Variants in EYA3 observed in about 807,000 individuals in gnomAD.
The protein encoded by EYA3 is EYA transcriptional coactivator and phosphatase 3.
EYA3 carries 39 observed loss-of-function variants against 80.0 expected under a neutral mutation model. That is an observed-to-expected ratio of 0.49 (90% CI 0.38 to 0.64). The LOEUF is 0.64. Among genes scored for constraint, EYA3 ranks in the 30% least tolerant of loss-of-function variants. The probability of loss-of-function intolerance (pLI) is 0.00; values close to 1 mark genes in which losing one functional copy is unlikely to be tolerated. For missense variants in EYA3, 523 were observed against 676.1 expected (o/e 0.77, Z 2.51); for synonymous variants, 206 against 232.8 (o/e 0.88, Z 1.05).
At chr1:27,986,103 T>C (rs111547825) in intron 16 of EYA3, among the ~76,000 whole-genome samples, 4,732 of 152,080 alleles carry the variant, frequency 0.031, 166 homozygotes, top group African/African-American at 0.084. Flanking sequence ...CGGTGGCTCA[T>C]GCCTGTAATC....
chr1:28,038,882 G>C lies in EYA3; in HGVS notation c.181C>G (p.Pro61Ala). Residue 61 changes from proline to alanine, a missense_variant, in exon 5 of 18, where the codon CCT becomes GCT. Transcript: ENST00000373871. ...GAGGTATAATCATTGGATGAGCGAG[G>C]GATGTAATCGGTGCATGTCATAACT... ...EEIMTCTDYIPRSSNDYTSQM... is the reference protein window; with the variant it reads ...EEIMTCTDYIARSSNDYTSQM... 6.3e-7 allele frequency: 1 copy of C among 1,599,980 alleles called. No homozygotes were observed. The highest frequency in any genetic ancestry group is 8.5e-7 in the Non-Finnish European group (1 of 1,171,188).
chr1:27,990,702 G>C (rs183286411), intron 14 of EYA3, among the ~76,000 whole-genome samples: 8 of 152,054 alleles, frequency 5.3e-5, no homozygotes, highest in African/African-American at 1.9e-4. Context: ...ATAGGCAGCT[G>C]CCACCACACC....
At chr1:28,064,372 C>A (rs1355306531) in intron 1 of EYA3, among the ~76,000 whole-genome samples, 3 of 116,690 alleles carry the variant, frequency 2.6e-5, no homozygotes, top group East Asian at 2.6e-4. Flanking sequence ...CTCTCTCTCT[C>A]TCTCTCTATA....
At chr1:28,069,124 A>G (rs1426435415) in intron 1 of EYA3, among the ~76,000 whole-genome samples, 2 of 151,804 alleles carry the variant, frequency 1.3e-5, no homozygotes, top group African/African-American at 4.8e-5. Context: ...TTAATTAAAC[A>G]GGTAATTTTA....
At chr1:28,022,626 G>A (rs560448932) in intron 7 of EYA3, among the ~76,000 whole-genome samples, 105 of 152,272 alleles carry the variant, frequency 6.9e-4, no homozygotes, top group Non-Finnish European at 1.2e-3. Flanking sequence ...ACATAGGTTA[G>A]TATACCTACA....
At chr1:28,042,478 C>CA in intron 4 of EYA3, 93 bp downstream of exon 4, 1 of 1,088,908 alleles carries the variant, frequency 9.2e-7, no homozygotes, top group East Asian at 2.4e-5. Flanking sequence ...TATTTTGGGA[C>CA]AAACAAGGCA....
chr1:28,038,897 A>G lies in EYA3; in HGVS notation c.166T>C (p.Cys56Arg). The change falls in exon 5 of 18, where the codon TGC becomes CGC. Residue 56 changes from cysteine (C) to arginine (R), a missense_variant. By Grantham distance (180) the Cys-to-Arg change is radical. Transcript: ENST00000373871. Reference sequence around the variant, plus strand: ...GATGAGCGAGGGATGTAATCGGTGCATGTCATAACTGAAAGAAAGATAATA... The same window carrying G: ...GATGAGCGAGGGATGTAATCGGTGCGTGTCATAACTGAAAGAAAGATAATA... ...NLPMSEEIMT[C>R]TDYIPRSSND... The G allele has an allele frequency of 6.3e-7, 1 of 1,593,858 alleles. No individual in the cohort carries two copies. The highest frequency in any genetic ancestry group is 1.1e-5 in the South Asian group (1 of 87,528).
At chr1:28,069,281 T>C (rs2148925150) in intron 1 of EYA3, among the ~76,000 whole-genome samples, 1 of 151,658 alleles carries the variant, frequency 6.6e-6, no homozygotes, top group Admixed American at 6.6e-5. Context: ...CGGCTAATTT[T>C]TCGTATTTTA....
chr1:28,038,010 CT>C (rs1341255040), intron 5 of EYA3, among the ~76,000 whole-genome samples: 1 of 152,152 alleles, frequency 6.6e-6, no homozygotes, highest in African/African-American at 2.4e-5. Context: ...CACCTACCCA[CT>C]TTGGAGATGA....
intron 8 of EYA3, among the ~76,000 whole-genome samples, chr1:28,014,643 G>A (rs1371178883): frequency 2.0e-5 from 3 of 151,482 alleles, no homozygotes; most frequent in African/African-American, 7.3e-5. Flanking sequence ...CAGGAGAATC[G>A]CTTGAATCTG....
At chr1:28,063,897 T>C (rs1644733009) in intron 1 of EYA3, among the ~76,000 whole-genome samples, 1 of 152,208 alleles carries the variant, frequency 6.6e-6, no homozygotes, top group African/African-American at 2.4e-5. Flanking sequence ...CTACGGTATA[T>C]AGTTGGTGTC....
rs1641856422 is a variant in EYA3 at position 28,013,860 on chromosome 1, C to G, written c.586-566G>C. Among the ~76,000 whole-genome samples, 1 of 151,944 alleles carries G rather than the reference C, an allele frequency of 6.6e-6. No homozygotes were observed. Among genetic ancestry groups the G allele is most frequent in the East Asian group, 1.9e-4 (1 of 5,164 alleles). On this transcript the variant is annotated intron_variant, in intron 8 of 17. Coordinates refer to ENST00000373871, the MANE Select transcript of EYA3 (RefSeq NM_001990.4). The surrounding 1 kb of genome is among the most constrained non-coding windows in gnomAD (Gnocchi z 4.0). ...GGTGGATCACTTGAGGTCAGGAGTT[C>G]AAGACCAGCCTGACCAACATGGTGA...
At chr1:28,003,613 G>T (rs1641054106) in intron 11 of EYA3, among the ~76,000 whole-genome samples, 2 of 152,172 alleles carry the variant, frequency 1.3e-5, no homozygotes, top group Admixed American at 6.5e-5. Context: ...TCGCTAAGTT[G>T]CCCAAGCTGG....
intron 3 of EYA3, among the ~76,000 whole-genome samples, chr1:28,046,102 G>A (rs1174395790): frequency 6.6e-6 from 1 of 152,172 alleles, no homozygotes; most frequent in Admixed American, 6.5e-5. Context: ...CTGGAGATGG[G>A]GGAGTGGAGA....
At chr1:27,978,216 GA>G (rs1639070527) in intron 17 of EYA3, among the ~76,000 whole-genome samples, 157 bp downstream of exon 17, 1 of 151,658 alleles carries the variant, frequency 6.6e-6, no homozygotes. Context: ...TCCATCTGGA[GA>G]AAAAAAAGAC....
At chr1:28,007,506 T>C (rs1388902131) in intron 10 of EYA3, among the ~76,000 whole-genome samples, 1 of 151,938 alleles carries the variant, frequency 6.6e-6, no homozygotes, top group Non-Finnish European at 1.5e-5. Flanking sequence ...GTCTAATTTT[T>C]GTATTTTTAG....
At chr1:28,047,535 C>T (rs1284750848) in intron 3 of EYA3, among the ~76,000 whole-genome samples, 1 of 141,318 alleles carries the variant, frequency 7.1e-6, no homozygotes. Flanking sequence ...GTTACTGGCT[C>T]ATATGGTTGG....
intron 16 of EYA3, among the ~76,000 whole-genome samples, chr1:27,985,824 A>G (rs1277235749): frequency 1.3e-5 from 2 of 151,936 alleles, no homozygotes; most frequent in Non-Finnish European, 2.9e-5. Flanking sequence ...ACAAGTAATC[A>G]GCCCGTCTTG....
At chr1:28,060,937 C>T (rs1644600208) in intron 1 of EYA3, among the ~76,000 whole-genome samples, 1 of 152,182 alleles carries the variant, frequency 6.6e-6, no homozygotes, top group Admixed American at 6.5e-5. Context: ...TCGCGTGAAC[C>T]TGGGAGGCGG....
Sources: allele counts gnomAD v4.1 joint callset (sites outside exome capture counted in the v4.1 genomes callset), GRCh38; gene constraint gnomAD v4.1.1; non-coding constraint Gnocchi (gnomAD v3.1); transcripts MANE v1.5; gene names NCBI Gene and HGNC (gene_info 2026-07-23, HGNC 2026-07-21).